Variants in BMERB1 observed in about 807,000 individuals in gnomAD.
The protein encoded by BMERB1 is bMERB domain containing 1, also known as bMERB domain-containing protein 1.
BMERB1 carries 12 observed loss-of-function variants against 23.6 expected under a neutral mutation model. That is an observed-to-expected ratio of 0.51 (90% CI 0.33 to 0.82). The LOEUF is 0.82. Among genes scored for constraint, BMERB1 ranks in the 40% least tolerant of loss-of-function variants. The pLI is 0.03. For missense variants in BMERB1, 247 were observed against 255.4 expected (o/e 0.97, Z 0.22); for synonymous variants, 122 against 96.6 (o/e 1.26, Z -1.54).
intron 3 of BMERB1, among the ~76,000 whole-genome samples, chr16:15,574,059 G>A (rs2030798676): frequency 6.7e-6 from 1 of 149,418 alleles, no homozygotes; most frequent in African/African-American, 2.5e-5. Context: ...AAAGGAAAGA[G>A]GTTTCATTGA....
At chr16:15,488,293 C>A (rs2051384746) in intron 1 of BMERB1, among the ~76,000 whole-genome samples, 1 of 152,132 alleles carries the variant, frequency 6.6e-6, no homozygotes, top group Non-Finnish European at 1.5e-5. Flanking sequence ...ACCCCTTGCC[C>A]CCCGTCCAAA....
intron 2 of BMERB1, among the ~76,000 whole-genome samples, chr16:15,520,513 G>A (rs1271707638): frequency 3.8e-5 from 5 of 130,620 alleles, no homozygotes; most frequent in Admixed American, 1.8e-4. Context: ...CAAGAGTCTC[G>A]ATCTGCCACC....
chr16:15,522,225 G>A (rs2051861746), intron 2 of BMERB1, among the ~76,000 whole-genome samples: 2 of 152,190 alleles, frequency 1.3e-5, no homozygotes, highest in African/African-American at 4.8e-5. Flanking sequence ...ATCAGCCAGA[G>A]ACAGAACTGC....
chr16:15,546,737 C>T (rs377212614), intron 2 of BMERB1, among the ~76,000 whole-genome samples: 2 of 152,318 alleles, frequency 1.3e-5, no homozygotes, highest in East Asian at 3.9e-4. Context: ...TTTACTTAAT[C>T]TAAATGGGTC....
chr16:15,478,743 C>A (rs1232458259), intron 1 of BMERB1, among the ~76,000 whole-genome samples: 1 of 152,152 alleles, frequency 6.6e-6, no homozygotes, highest in Non-Finnish European at 1.5e-5. Flanking sequence ...CTCTACTCAT[C>A]TTCATATTCT....
At chr16:15,568,117 A>G (rs2030628499) in intron 3 of BMERB1, 61 bp downstream of exon 3, 1 of 1,441,538 alleles carries the variant, frequency 6.9e-7, no homozygotes, top group Non-Finnish European at 9.7e-7. Flanking sequence ...AGCCTGGCCC[A>G]TCTGTACGCC....
intron 1 of BMERB1, among the ~76,000 whole-genome samples, chr16:15,489,057 G>A (rs933134388): frequency 6.6e-6 from 1 of 152,090 alleles, no homozygotes; most frequent in African/African-American, 2.4e-5. Context: ...TTTTCCCCCA[G>A]GGGGGTTCAC....
intron 1 of BMERB1, among the ~76,000 whole-genome samples, chr16:15,437,178 A>T (rs182708741): frequency 6.6e-6 from 1 of 152,228 alleles, no homozygotes; most frequent in Non-Finnish European, 1.5e-5. Context: ...TTTTATAATT[A>T]TGTGGCAGCC....
intron 2 of BMERB1, among the ~76,000 whole-genome samples, chr16:15,566,670 AT>A (rs1184602158): frequency 2.0e-5 from 3 of 152,132 alleles, no homozygotes; most frequent in Non-Finnish European, 2.9e-5. Context: ...TCTAAAAAAA[AT>A]AAAAATAAAA....
At chr16:15,506,600 A>G (rs907750527) in intron 1 of BMERB1, among the ~76,000 whole-genome samples, 2 of 152,124 alleles carry the variant, frequency 1.3e-5, no homozygotes, top group Non-Finnish European at 2.9e-5. Context: ...TATGTGGACA[A>G]TGAGATGCCA....
chr16:15,464,594 G>A (rs541630953), intron 1 of BMERB1, among the ~76,000 whole-genome samples: 26 of 152,166 alleles, frequency 1.7e-4, no homozygotes, highest in Non-Finnish European at 3.2e-4. Flanking sequence ...TGAGTTTTCC[G>A]GAAATGGCAC....
chr16:15,537,190 G>T (rs904784455), intron 2 of BMERB1, among the ~76,000 whole-genome samples: 3 of 152,182 alleles, frequency 2.0e-5, no homozygotes, highest in Non-Finnish European at 4.4e-5. Flanking sequence ...CTTTCTGACA[G>T]TGTCCAACCA....
chr16:15,493,458 C>CT (rs1170645742), intron 1 of BMERB1, among the ~76,000 whole-genome samples: 2 of 152,112 alleles, frequency 1.3e-5, no homozygotes, highest in African/African-American at 2.4e-5. Context: ...GCATTTTAAT[C>CT]TTTTTTTAAA....
chr16:15,458,067 C>T (rs746513468), intron 1 of BMERB1, among the ~76,000 whole-genome samples: 15 of 152,192 alleles, frequency 9.9e-5, no homozygotes, highest in Non-Finnish European at 1.3e-4. Context: ...TCTCCCTCAA[C>T]ACCTGGGGAT....
At chr16:15,566,532 G>A (rs2030569086) in intron 2 of BMERB1, among the ~76,000 whole-genome samples, 1 of 151,970 alleles carries the variant, frequency 6.6e-6, no homozygotes, top group Non-Finnish European at 1.5e-5. Context: ...AGTGGCTCAC[G>A]CCTGTAATCC....
intron 2 of BMERB1, among the ~76,000 whole-genome samples, chr16:15,563,664 G>A (rs964626234): frequency 6.6e-6 from 1 of 152,154 alleles, no homozygotes; most frequent in Admixed American, 6.6e-5. Flanking sequence ...AAGGCGAAGG[G>A]GAAGTCTTAC....
At chr16:15,580,095 A>ATTT (rs35772701) in intron 3 of BMERB1, among the ~76,000 whole-genome samples, 5 of 140,920 alleles carry the variant, frequency 3.5e-5, no homozygotes, top group East Asian at 2.1e-4. Flanking sequence ...TGCCCTCTCA[A>ATTT]TTTTTTTTTT....
chr16:15,521,753 A>G (rs572187903), intron 2 of BMERB1, among the ~76,000 whole-genome samples: 11 of 152,284 alleles, frequency 7.2e-5, no homozygotes, highest in African/African-American at 2.2e-4. Context: ...ACAGGGCAGT[A>G]ACACAAAACT....
chr16:15,519,390 T>G (rs1281819143), intron 2 of BMERB1, among the ~76,000 whole-genome samples: 2 of 152,098 alleles, frequency 1.3e-5, no homozygotes, highest in African/African-American at 2.4e-5. Flanking sequence ...CAGCATTAAC[T>G]CTTTTATTTT....
Sources: gnomAD v4.1 joint callset for allele counts (sites outside exome capture counted in the v4.1 genomes callset) on GRCh38, gnomAD v4.1.1 for gene constraint, MANE v1.5 for transcripts, NCBI Gene and HGNC (gene_info 2026-07-23, HGNC 2026-07-21) for gene names.